CERT1: variants seen among roughly 807,000 people sequenced by gnomAD.
The protein encoded by CERT1 is ceramide transporter 1.
Under a neutral mutation model 87.9 loss-of-function variants are expected in CERT1, and 31 were observed. The ratio of observed to expected loss-of-function variants is 0.35; its 90% CI spans 0.27 to 0.48. CERT1 has a LOEUF of 0.48. CERT1 is among the 20% of genes least tolerant of loss of function. CERT1 has a pLI of 0.99. For missense variants in CERT1, 487 were observed against 758.0 expected (o/e 0.64, Z 4.20); for synonymous variants, 289 against 250.9 (o/e 1.15, Z -1.44).
At chr5:75,440,599 T>C (rs1009412703) in intron 3 of CERT1, among the ~76,000 whole-genome samples, 1 of 152,144 alleles carries the variant, frequency 6.6e-6, no homozygotes, top group African/African-American at 2.4e-5. Flanking sequence ...CAGAAATATC[T>C]GAATAGGCAA....
intron 15 of CERT1, 152 bp downstream of exon 15, chr5:75,381,797 G>A (rs531843606): frequency 5.6e-6 from 4 of 712,042 alleles, no homozygotes; most frequent in Non-Finnish European, 9.3e-6. Context: ...CAACACATGG[G>A]CTATACTGTT....
intron 3 of CERT1, among the ~76,000 whole-genome samples, chr5:75,433,425 T>TA (rs1332084021): frequency 6.6e-6 from 1 of 152,238 alleles, no homozygotes; most frequent in Non-Finnish European, 1.5e-5. Context: ...TGGTTAGCTG[T>TA]ATTCCTAGGT....
chr5:75,451,893 G>A (rs1011609561), intron 3 of CERT1, among the ~76,000 whole-genome samples: 5 of 152,110 alleles, frequency 3.3e-5, no homozygotes, highest in African/African-American at 1.2e-4. Flanking sequence ...ATTTCATTAT[G>A]GCAAAAGGAA....
intron 2 of CERT1, among the ~76,000 whole-genome samples, chr5:75,475,582 C>G (rs1765919217): frequency 1.3e-5 from 2 of 152,098 alleles, no homozygotes; most frequent in Admixed American, 1.3e-4. Flanking sequence ...GTGAATACCA[C>G]GATTAACATA....
chr5:75,456,620 G>A (rs1764991959), intron 3 of CERT1, among the ~76,000 whole-genome samples: 1 of 130,564 alleles, frequency 7.7e-6, no homozygotes. Context: ...GCTGAAGTGA[G>A]CCGAGATCAC....
chr5:75,373,012 T>C (rs1335674472), downstream of CERT1: 1 of 152,230 alleles, frequency 6.6e-6, no homozygotes, highest in Non-Finnish European at 1.5e-5. Context: ...TTCAATGTTG[T>C]TTACAGGACT....
intron 3 of CERT1, among the ~76,000 whole-genome samples, chr5:75,454,689 T>C (rs1764902049): frequency 6.6e-6 from 1 of 152,204 alleles, no homozygotes; most frequent in Admixed American, 6.5e-5. Context: ...TCATGGAAGC[T>C]GATCCTCTTA....
Position 75,511,136 on chromosome 5 carries a change from C to A in CERT1, c.72G>T (p.Val24=). 1.2e-6 allele frequency: 2 copies of A among 1,603,874 alleles called. No individual in the cohort carries two copies. Among genetic ancestry groups the A allele is most frequent in the African/African-American group, 1.3e-5 (1 of 74,876 alleles). The part of the protein sequence containing the change: ...EDPETESGPP[V]ERCGVLSKWT... ...CCTTACTGAGGACCCCGCAGCGCTC[C>A]ACAGGCGGCCCAGACTCCGTCTCTG... is the stretch of plus-strand genomic sequence containing the variant. Residue 24 remains valine, a synonymous_variant, in exon 1 of 17, where the codon GTG becomes GTT. Coordinates refer to ENST00000643780, the MANE Select transcript of CERT1 (RefSeq NM_001379029.1).
intron 7 of CERT1, among the ~76,000 whole-genome samples, chr5:75,412,251 T>C (rs1762961181): frequency 1.3e-5 from 2 of 152,210 alleles, no homozygotes; most frequent in Non-Finnish European, 2.9e-5. Flanking sequence ...TATTGGGTAA[T>C]GTAAGCACCA....
chr5:75,459,262 A>T lies in CERT1; in HGVS notation c.232-81T>A, dbSNP rs1580800847. ...TACACCCCAAAGCCAAAACATGAACATACTCATTCTGTGCTGGTGGGAGAC... is the reference window on the plus strand; with the variant it reads ...TACACCCCAAAGCCAAAACATGAACTTACTCATTCTGTGCTGGTGGGAGAC... On this transcript the variant is annotated intron_variant, in intron 2 of 16. Coordinates refer to ENST00000643780, the MANE Select transcript of CERT1 (RefSeq NM_001379029.1). 2.3e-5 allele frequency: 18 copies of T among 777,222 alleles called. No individual in the cohort carries two copies. The East Asian group carries it at 4.5e-4, about 19-fold the overall frequency. 48.1% of individuals were successfully genotyped at this position (777,222 alleles called of 1,614,324 possible).
intron 2 of CERT1, among the ~76,000 whole-genome samples, chr5:75,504,951 G>A (rs753614188): frequency 3.6e-4 from 54 of 151,948 alleles, no homozygotes; most frequent in Non-Finnish European, 7.2e-4. Context: ...TAATGACTAC[G>A]AGTGCAAAAA....
upstream of CERT1, chr5:75,511,724 C>T: frequency 6.5e-7 from 1 of 1,548,242 alleles, no homozygotes; most frequent in Non-Finnish European, 8.7e-7. Flanking sequence ...TGACGCGACA[C>T]GCCGAGCCTT....
chr5:75,438,455 C>T (rs1166012760), intron 3 of CERT1, among the ~76,000 whole-genome samples: 1 of 152,122 alleles, frequency 6.6e-6, no homozygotes, highest in Admixed American at 6.5e-5. Flanking sequence ...ATAACTGATA[C>T]AGTGTTAAAT....
chr5:75,390,279 CTTTT>C (rs1761977904), intron 11 of CERT1, among the ~76,000 whole-genome samples: 2 of 152,146 alleles, frequency 1.3e-5, no homozygotes, highest in South Asian at 4.1e-4. Flanking sequence ...ATAAACCTCT[CTTTT>C]ATCATGGAAT....
At chr5:75,393,762 G>C (rs1580708952) in intron 11 of CERT1, among the ~76,000 whole-genome samples, 3 of 151,494 alleles carry the variant, frequency 2.0e-5, no homozygotes, top group African/African-American at 7.3e-5. Flanking sequence ...TCAAGAGATA[G>C]AGACCATCCC....
rs781151534 is a variant in CERT1, at chr5:75,511,280, G to GGGTGAAGGGTCGGGGGAT, written c.-91_-74dup. The GGGTGAAGGGTCGGGGGAT allele has an allele frequency of 6.3e-6, 10 of 1,581,092 alleles. No homozygotes were observed. The South Asian group carries it at 1.1e-4, about 18-fold the overall frequency. Reference sequence around the variant, plus strand: ...CGCCGGAGGAGGCGCCCAGTCCTCGGGGTGAAGGGTCGGGGGATGGCGAAG... The same window carrying GGGTGAAGGGTCGGGGGAT: ...CGCCGGAGGAGGCGCCCAGTCCTCGGGGTGAAGGGTCGGGGGATGGTGAAGGGTCGGGGGATGGCGAAG... On this transcript the variant is annotated 5_prime_UTR_variant, in exon 1 of 17. Transcript: ENST00000643780.
At chr5:75,408,888 C>T (rs958124941) in intron 8 of CERT1, among the ~76,000 whole-genome samples, 1 of 151,858 alleles carries the variant, frequency 6.6e-6, no homozygotes, top group African/African-American at 2.4e-5. Flanking sequence ...ATGTACCTAG[C>T]ACAAGGCCCC....
intron 12 of CERT1, among the ~76,000 whole-genome samples, chr5:75,387,742 CAAAAAAAAGAAA>C (rs1761857952): frequency 1.5e-5 from 2 of 137,820 alleles, no homozygotes; most frequent in African/African-American, 5.4e-5. Context: ...AACTCTGTCT[CAAAAAAAAGAAA>C]AAAAAAAAAA....
intron 2 of CERT1, among the ~76,000 whole-genome samples, chr5:75,467,650 GAAA>G (rs58587061): frequency 7.5e-5 from 10 of 132,970 alleles, no homozygotes; most frequent in African/African-American, 2.6e-4. Flanking sequence ...CCAAAAAAAA[GAAA>G]AAAAAAAAAA....
Sources: allele counts gnomAD v4.1 joint callset (sites outside exome capture counted in the v4.1 genomes callset), GRCh38; gene constraint gnomAD v4.1.1; transcripts MANE v1.5; gene names NCBI Gene and HGNC (gene_info 2026-07-23, HGNC 2026-07-21).